The following KTN1 variants were observed in gnomAD, a reference collection of about 807,000 sequenced individuals.
The protein encoded by KTN1 is kinectin 1, also known as kinectin.
In KTN1, 130 loss-of-function variants were observed where a neutral mutation model predicts 222.5. The observed-to-expected ratio is 0.58, with a 90% CI of 0.51 to 0.68. KTN1 has a LOEUF of 0.68. Ranked by LOEUF, KTN1 falls within the 30% of genes least tolerant of loss-of-function variation. The pLI is 0.00. For synonymous variants in KTN1, 512 were observed against 496.3 expected, an observed-to-expected ratio of 1.03 and a Z score of -0.42; for missense variants, 1,508 against 1,500.4, an observed-to-expected ratio of 1.01 and a Z score of -0.08.
rs574267269 is a variant in KTN1, at chr14:55,642,051, C to T, written c.2172+291C>T. Among the ~76,000 whole-genome samples the T allele has an allele frequency of 2.6e-5, 4 of 152,250 alleles. No individual in the cohort carries two copies. The South Asian group carries it at 8.3e-4, about 32-fold the overall frequency. On this transcript the variant is annotated intron_variant, in intron 18 of 43. Transcript: ENST00000395314. Reference sequence around the variant, plus strand: ...TTTGACTTTCAGAATAAATGTCCTGCCTTAGACTTGGAGCCTCAGCTTTTT... The same window carrying T: ...TTTGACTTTCAGAATAAATGTCCTGTCTTAGACTTGGAGCCTCAGCTTTTT...
intron 17 of KTN1, among the ~76,000 whole-genome samples, chr14:55,641,463 C>T (rs374102155): frequency 7.2e-5 from 11 of 152,096 alleles, no homozygotes; most frequent in African/African-American, 2.7e-4. Flanking sequence ...TTGGGACTGT[C>T]TTATTTGTCT....
chr14:55,596,154 C>CAAAAAAAAAAAA (rs71448460), intron 1 of KTN1, among the ~76,000 whole-genome samples: 6 of 61,104 alleles, frequency 9.8e-5, no homozygotes, highest in South Asian at 6.5e-4. Flanking sequence ...GACTCAATAG[C>CAAAAAAAAAAAA]AAAAAAAAAA....
intron 1 of KTN1, among the ~76,000 whole-genome samples, chr14:55,601,549 T>C (rs1158383378): frequency 6.6e-6 from 1 of 152,202 alleles, no homozygotes; most frequent in Non-Finnish European, 1.5e-5. Flanking sequence ...TTTTTGCGTT[T>C]TGATGGCCGT....
chr14:55,593,441 C>CCA (rs1555357169), intron 1 of KTN1, among the ~76,000 whole-genome samples: 2 of 140,496 alleles, frequency 1.4e-5, no homozygotes, highest in African/African-American at 5.2e-5. Context: ...TAGACACCCC[C>CCA]CCCCCAAAAA....
intron 34 of KTN1, among the ~76,000 whole-genome samples, chr14:55,669,857 A>T (rs933241818): frequency 1.3e-5 from 2 of 151,990 alleles, no homozygotes; most frequent in Non-Finnish European, 1.5e-5. Context: ...GAGAATCCTG[A>T]TTCTGCTGCA....
At chr14:55,681,634 A>C (rs1348300538) in intron 43 of KTN1, 4 of 152,096 alleles carry the variant, frequency 2.6e-5, no homozygotes, top group Non-Finnish European at 2.9e-5. Context: ...TCCCCTCCTA[A>C]CTGATAGCAC....
chr14:55,675,815 G>T lies in KTN1; in HGVS notation c.3772-20G>T. On this transcript the variant is annotated intron_variant, in intron 40 of 43. Coordinates refer to ENST00000395314, the MANE Select transcript of KTN1 (RefSeq NM_001079521.2). Reference sequence around the variant, plus strand: ...AATGATGCAAATTAAGTTAATTGTGGTGTTCCTTTATTTTTACAGTTGAAG... The same window carrying T: ...AATGATGCAAATTAAGTTAATTGTGTTGTTCCTTTATTTTTACAGTTGAAG... 1 of 1,501,914 alleles carries T rather than the reference G, an allele frequency of 6.7e-7. No homozygotes were observed. Among genetic ancestry groups the T allele is most frequent in the Non-Finnish European group, 9.3e-7 (1 of 1,078,730 alleles). The allele number at this position is 1,501,914 out of a possible 1,614,324, so 93.0% of individuals were successfully genotyped here. A position where few individuals can be genotyped will look rare whatever the true frequency, so the allele number is the denominator to read the frequency against.
At chr14:55,618,170 A>G in intron 4 of KTN1, 36 bp downstream of exon 4, 2 of 1,484,386 alleles carry the variant, frequency 1.3e-6, no homozygotes, top group Non-Finnish European at 1.8e-6. Flanking sequence ...GTTGTACTAT[A>G]AAAACACATT....
chr14:55,677,650 T>C (rs1303837744), intron 41 of KTN1, among the ~76,000 whole-genome samples: 1 of 152,120 alleles, frequency 6.6e-6, no homozygotes, highest in Admixed American at 6.5e-5. Flanking sequence ...GTGGGTCACA[T>C]ATGATCTCTT....
chr14:55,646,888 A>G lies in KTN1; in HGVS notation c.2173-85A>G, dbSNP rs1595080138. 22 of 874,336 alleles carry G rather than the reference A, an allele frequency of 2.5e-5. No homozygotes were observed. The Admixed American group carries it at 3.0e-4, about 12-fold the overall frequency. The allele number at this position is 874,336 out of a possible 1,614,324, so 54.2% of individuals were successfully genotyped here. ...TGTATCTATTTAATAACCCTAAACA[A>G]TTTTCACAAAATTACATTTCTCATC... On this transcript the variant is annotated intron_variant, in intron 18 of 43. Transcript: ENST00000395314.
At chr14:55,639,726 C>T (rs2140990569) in intron 13 of KTN1, among the ~76,000 whole-genome samples, 187 bp from the exon 14 acceptor site, 1 of 151,784 alleles carries the variant, frequency 6.6e-6, no homozygotes, top group South Asian at 2.1e-4. Context: ...AGTTTTAAAA[C>T]AGGGTTATGT....
At chr14:55,636,320 G>A in intron 9 of KTN1, 129 bp from the exon 10 acceptor site, 1 of 633,510 alleles carries the variant, frequency 1.6e-6, no homozygotes, top group East Asian at 2.9e-5. Flanking sequence ...TTGAAATGTA[G>A]GAGACTAGTT....
chr14:55,621,191 T>G (rs531343578), intron 5 of KTN1, among the ~76,000 whole-genome samples: 1 of 152,252 alleles, frequency 6.6e-6, no homozygotes, highest in South Asian at 2.1e-4. Flanking sequence ...CATCCTGGAT[T>G]TCATTGCTGG....
chr14:55,644,355 A>G (rs763417611), intron 18 of KTN1: 53 of 701,602 alleles, frequency 7.6e-5, no homozygotes, highest in Non-Finnish European at 1.2e-4. Flanking sequence ...TTCTGGAGGA[A>G]AAGATTGAGC....
intron 15 of KTN1, 79 bp downstream of exon 15, chr14:55,640,521 C>G: frequency 4.2e-6 from 4 of 959,842 alleles, no homozygotes; most frequent in Non-Finnish European, 6.4e-6. Flanking sequence ...TTGTGAGCCC[C>G]AATTTGATTG....
intron 2 of KTN1, among the ~76,000 whole-genome samples, chr14:55,614,209 A>G (rs996394106): frequency 4.6e-5 from 7 of 152,220 alleles, no homozygotes; most frequent in East Asian, 1.9e-4. Flanking sequence ...AAGATTTTCA[A>G]GCAGTTTAGT....
chr14:55,580,836 C>T (rs1320309580), intron 1 of KTN1, among the ~76,000 whole-genome samples: 3 of 152,214 alleles, frequency 2.0e-5, no homozygotes, highest in Non-Finnish European at 4.4e-5. Flanking sequence ...CGGAGCTGGG[C>T]CACACTTACG....
chr14:55,646,085 C>T (rs2042250181), intron 18 of KTN1, among the ~76,000 whole-genome samples: 1 of 151,872 alleles, frequency 6.6e-6, no homozygotes, highest in African/African-American at 2.4e-5. Context: ...GGAGAAATCC[C>T]ACTTTGGACA....
At chr14:55,595,355 A>C (rs1235696513) in intron 1 of KTN1, among the ~76,000 whole-genome samples, 1 of 152,228 alleles carries the variant, frequency 6.6e-6, no homozygotes, top group Admixed American at 6.5e-5. Flanking sequence ...AAACCAGTTA[A>C]ATGAACAGCT....
Sources: gnomAD v4.1 joint callset for allele counts (sites outside exome capture counted in the v4.1 genomes callset) on GRCh38, gnomAD v4.1.1 for gene constraint, MANE v1.5 for transcripts, NCBI Gene and HGNC (gene_info 2026-07-23, HGNC 2026-07-21) for gene names.